Variants in RIPOR3 observed in about 807,000 individuals in gnomAD.
RIPOR3 encodes family with sequence similarity 65 member C.
RIPOR3 carries 95 observed loss-of-function variants against 114.3 expected under a neutral mutation model. That is an observed-to-expected ratio of 0.83 (90% CI 0.70 to 0.99). The LOEUF is 0.99. RIPOR3 is among the 50% of genes least tolerant of loss of function. RIPOR3 has a pLI of 0.00. For synonymous variants in RIPOR3, 575 were observed against 543.8 expected (o/e 1.06, Z -0.80); for missense variants, 1,252 against 1,266.9 (o/e 0.99, Z 0.18).
chr20:50,593,906 G>A (rs1277252372), intron 17 of RIPOR3, among the ~76,000 whole-genome samples: 1 of 151,986 alleles, frequency 6.6e-6, no homozygotes, highest in Non-Finnish European at 1.5e-5. Context: ...GCCCCTGCCT[G>A]CCTCCCTTCC....
intron 1 of RIPOR3, among the ~76,000 whole-genome samples, chr20:50,641,641 G>A (rs1170756081): frequency 6.6e-6 from 1 of 152,186 alleles, no homozygotes; most frequent in African/African-American, 2.4e-5. Context: ...CAGCCATCCT[G>A]GGAATCTGTC....
intron 19 of RIPOR3, among the ~76,000 whole-genome samples, chr20:50,591,978 C>T (rs2083122654): frequency 6.6e-6 from 1 of 152,008 alleles, no homozygotes; most frequent in African/African-American, 2.4e-5. Flanking sequence ...GCCTGTAATC[C>T]CAGCTACTCA....
At chr20:50,683,723 C>A (rs2086930926) in intron 1 of RIPOR3, among the ~76,000 whole-genome samples, 1 of 151,770 alleles carries the variant, frequency 6.6e-6, no homozygotes. Flanking sequence ...TCCCAAAGTA[C>A]TGGGATTACA....
chr20:50,660,855 A>C (rs2085970163), intron 1 of RIPOR3, among the ~76,000 whole-genome samples: 1 of 148,874 alleles, frequency 6.7e-6, no homozygotes, highest in African/African-American at 2.5e-5. Flanking sequence ...CCTGGGCTCA[A>C]GGGATCCTCC....
At chr20:50,683,081 T>C (rs999750785) in intron 1 of RIPOR3, among the ~76,000 whole-genome samples, 1 of 152,186 alleles carries the variant, frequency 6.6e-6, no homozygotes, top group Non-Finnish European at 1.5e-5. Flanking sequence ...GTTCTGGAAA[T>C]GGATGGCGCT....
At chr20:50,620,582 G>C (rs1022712665) in intron 2 of RIPOR3, among the ~76,000 whole-genome samples, 1 of 151,880 alleles carries the variant, frequency 6.6e-6, no homozygotes, top group African/African-American at 2.4e-5. Flanking sequence ...AGCCGAGATT[G>C]CATCACTGCA....
intron 4 of RIPOR3, among the ~76,000 whole-genome samples, chr20:50,613,457 A>AAAAAG (rs539966646): frequency 2.3e-3 from 355 of 152,234 alleles, no homozygotes; most frequent in African/African-American, 6.0e-3. Context: ...CATCCCGAAA[A>AAAAAG]AAAAGAAAAG....
In RIPOR3 at chr20:50,597,716, G is replaced by T; in HGVS notation, c.1660-6C>A. On this transcript the variant is annotated splice_polypyrimidine_tract_variant and splice_region_variant and intron_variant, in intron 13 of 21. Transcript: ENST00000327979. ...TCCTGCCGTGCTCTGCAGGGCTGTGGACGAAGTGGCCAGACCTGAGGGCAA... is the reference window on the plus strand; with the variant it reads ...TCCTGCCGTGCTCTGCAGGGCTGTGTACGAAGTGGCCAGACCTGAGGGCAA... The T allele has an allele frequency of 6.2e-7, 1 of 1,611,954 alleles. No individual in the cohort carries two copies. Among genetic ancestry groups the T allele is most frequent in the South Asian group, 1.1e-5 (1 of 90,642 alleles).
chr20:50,644,676 C>CTTTTTT (rs61225138), intron 1 of RIPOR3, among the ~76,000 whole-genome samples: 2 of 74,582 alleles, frequency 2.7e-5, no homozygotes, highest in Non-Finnish European at 4.9e-5. Context: ...TTTTTGTTTG[C>CTTTTTT]TTTTTTTTTT....
chr20:50,593,528 G>A (rs533441035), intron 17 of RIPOR3, among the ~76,000 whole-genome samples: 11 of 152,002 alleles, frequency 7.2e-5, no homozygotes, highest in African/African-American at 1.9e-4. Flanking sequence ...CCAAGATTGC[G>A]CCACTGCATT....
intron 2 of RIPOR3, among the ~76,000 whole-genome samples, chr20:50,624,008 GT>G (rs147642297): frequency 6.6e-6 from 1 of 151,790 alleles, no homozygotes; most frequent in Admixed American, 6.6e-5. Context: ...AGTAATTTTT[GT>G]TTTTTTTAGT....
At chr20:50,593,293 C>G (rs2083175166) in intron 17 of RIPOR3, 97 bp from the exon 18 acceptor site, 4 of 1,413,098 alleles carry the variant, frequency 2.8e-6, no homozygotes, top group Non-Finnish European at 3.8e-6. Flanking sequence ...GCTTTCTGGG[C>G]CGGGCGCAGT....
intron 1 of RIPOR3, among the ~76,000 whole-genome samples, chr20:50,665,695 C>G (rs2086167169): frequency 6.6e-6 from 1 of 152,110 alleles, no homozygotes; most frequent in Non-Finnish European, 1.5e-5. Context: ...GCTGGGACTA[C>G]AGGCATGAGC....
chr20:50,630,571 ATCTCTCTCTCTCTC>A (rs140830420), intron 2 of RIPOR3, among the ~76,000 whole-genome samples, 153 bp downstream of exon 2: 1 of 133,136 alleles, frequency 7.5e-6, no homozygotes, highest in Non-Finnish European at 1.7e-5. Context: ...CTCAATCTCA[ATCTCTCTCTCTCTC>A]TCTCTCTCTC....
intron 13 of RIPOR3, among the ~76,000 whole-genome samples, chr20:50,598,542 G>C (rs772589110): frequency 2.3e-4 from 35 of 152,254 alleles, no homozygotes; most frequent in Non-Finnish European, 4.7e-4. Flanking sequence ...GAATAACAAG[G>C]CTAGTTGCAG....
chr20:50,670,081 C>T (rs941301879), intron 1 of RIPOR3, among the ~76,000 whole-genome samples: 2 of 148,060 alleles, frequency 1.4e-5, no homozygotes, highest in African/African-American at 5.0e-5. Context: ...CACTTGAACC[C>T]GGGAGGCGGA....
chr20:50,638,346 C>T (rs1395245172), intron 1 of RIPOR3, among the ~76,000 whole-genome samples: 22 of 152,228 alleles, frequency 1.4e-4, no homozygotes, highest in Non-Finnish European at 2.9e-5. Flanking sequence ...ACAGCAGGCA[C>T]GGGAGTGAGG....
At chr20:50,592,971 A>G in intron 18 of RIPOR3, 64 bp downstream of exon 18, 1 of 1,576,922 alleles carries the variant, frequency 6.3e-7, no homozygotes, top group Non-Finnish European at 8.6e-7. Context: ...TAACCTGAGA[A>G]ACTGCATGTG....
intron 1 of RIPOR3, among the ~76,000 whole-genome samples, chr20:50,678,518 G>C (rs2086750483): frequency 6.6e-6 from 1 of 152,206 alleles, no homozygotes; most frequent in Non-Finnish European, 1.5e-5. Flanking sequence ...GGTTATCATG[G>C]GGTTCACATA....
Sources: gnomAD v4.1 joint callset for allele counts (sites outside exome capture counted in the v4.1 genomes callset) on GRCh38, gnomAD v4.1.1 for gene constraint, MANE v1.5 for transcripts, NCBI Gene and HGNC (gene_info 2026-07-23, HGNC 2026-07-21) for gene names.